COX10: variants seen among roughly 807,000 people sequenced by gnomAD.
COX10 encodes the protein cytochrome c oxidase assembly factor heme A:farnesyltransferase COX10.
Under a neutral mutation model 37.3 loss-of-function variants are expected in COX10, and 27 were observed. The observed-to-expected ratio is 0.72, with a 90% CI of 0.53 to 1.00. The LOEUF (loss-of-function observed/expected upper bound fraction) is 1.00. Among genes scored for constraint, COX10 ranks in the 50% least tolerant of loss-of-function variants. The probability of loss-of-function intolerance (pLI) is 0.00; values close to 1 mark genes in which losing one functional copy is unlikely to be tolerated. For synonymous variants in COX10, 222 were observed against 229.1 expected, an observed-to-expected ratio of 0.97 and a Z score of 0.28; for missense variants, 475 against 563.2, an observed-to-expected ratio of 0.84 and a Z score of 1.59.
chr17:14,071,610 G>A (rs1428970404), intron 1 of COX10, among the ~76,000 whole-genome samples: 7 of 151,800 alleles, frequency 4.6e-5, no homozygotes, highest in Middle Eastern at 3.4e-3. Context: ...CTGGCCGGGC[G>A]CAGTAGCTTA....
intron 4 of COX10, among the ~76,000 whole-genome samples, chr17:14,123,611 T>C (rs1916272102): frequency 6.6e-6 from 1 of 152,174 alleles, no homozygotes; most frequent in Non-Finnish European, 1.5e-5. Flanking sequence ...TGAAAGCCAT[T>C]AAATAGAGAA....
At chr17:14,196,325 C>G (rs1301985790) in intron 6 of COX10, among the ~76,000 whole-genome samples, 1 of 152,196 alleles carries the variant, frequency 6.6e-6, no homozygotes, top group African/African-American at 2.4e-5. Context: ...AGAGCTTTAG[C>G]AGGGTATCTT....
chr17:14,106,508 A>G (rs1046656743), intron 4 of COX10, among the ~76,000 whole-genome samples: 1 of 152,196 alleles, frequency 6.6e-6, no homozygotes, highest in Non-Finnish European at 1.5e-5. Context: ...GGTCATGTCA[A>G]GAGATTATGA....
chr17:14,188,963 C>A (rs895698364), intron 5 of COX10, among the ~76,000 whole-genome samples: 2 of 145,460 alleles, frequency 1.4e-5, no homozygotes, highest in African/African-American at 5.1e-5. Context: ...GATCTGTCCA[C>A]TTTTTCTTTG....
chr17:14,160,096 C>A, intron 5 of COX10, 149 bp downstream of exon 5: 1 of 739,618 alleles, frequency 1.4e-6, no homozygotes, highest in Non-Finnish European at 2.3e-6. Context: ...CAATACTTTC[C>A]ACCTCTAACC....
intron 5 of COX10, among the ~76,000 whole-genome samples, chr17:14,163,921 T>C (rs1905223480): frequency 6.6e-6 from 1 of 152,224 alleles, no homozygotes; most frequent in African/African-American, 2.4e-5. Flanking sequence ...CATCTGCACA[T>C]CATTTCCAAT....
intron 5 of COX10, chr17:14,182,208 C>T: frequency 1.2e-6 from 1 of 823,928 alleles, no homozygotes; most frequent in Non-Finnish European, 1.5e-6. Context: ...GTGGGAGAAT[C>T]ACTTGACACC....
intron 5 of COX10, among the ~76,000 whole-genome samples, chr17:14,180,458 G>C (rs890705952): frequency 2.0e-5 from 3 of 152,102 alleles, no homozygotes; most frequent in Non-Finnish European, 2.9e-5. Flanking sequence ...CATTACAATG[G>C]TTGAACAAGA....
At chr17:14,155,426 G>A (rs1015672204) in intron 4 of COX10, among the ~76,000 whole-genome samples, 7 of 151,916 alleles carry the variant, frequency 4.6e-5, no homozygotes, top group African/African-American at 1.7e-4. Context: ...TGAAAGATAG[G>A]AGAGTGAGGC....
chr17:14,153,140 G>T (rs1414283787), intron 4 of COX10, among the ~76,000 whole-genome samples: 1 of 152,158 alleles, frequency 6.6e-6, no homozygotes, highest in South Asian at 2.1e-4. Flanking sequence ...AGCCATCATG[G>T]TTCACCCTTG....
intron 5 of COX10, among the ~76,000 whole-genome samples, chr17:14,166,601 G>A (rs996089901): frequency 6.9e-6 from 1 of 145,832 alleles, no homozygotes; most frequent in Non-Finnish European, 1.5e-5. Flanking sequence ...GGATCAAAGA[G>A]TCAATTCGAC....
intron 4 of COX10, among the ~76,000 whole-genome samples, chr17:14,119,173 G>A (rs1916176232): frequency 6.6e-6 from 1 of 152,078 alleles, no homozygotes; most frequent in Non-Finnish European, 1.5e-5. Context: ...GGAATCTGTA[G>A]TATCTACAGA....
chr17:14,175,593 G>C (rs1373225316), intron 5 of COX10, among the ~76,000 whole-genome samples: 1 of 151,900 alleles, frequency 6.6e-6, no homozygotes, highest in East Asian at 1.9e-4. Flanking sequence ...TACACTCTGT[G>C]CTAAATGCTG....
In COX10 at chr17:14,174,480, G is replaced by A. The variant is rs115667321; in HGVS notation, c.695+14533G>A. ...TCAAAAAAAAAAAAAAAAAAAGTGC[G>A]TGAAAGATTTAAATAGGCCCTACTC... On this transcript the variant is annotated intron_variant, in intron 5 of 6. Transcript: ENST00000261643. 6.4e-3 allele frequency among the ~76,000 whole-genome samples: 962 copies of A among 149,500 alleles called. 10 individuals carry two copies. The highest frequency in any genetic ancestry group is 0.022 in the African/African-American group (908 of 40,740).
intron 6 of COX10, among the ~76,000 whole-genome samples, chr17:14,201,387 C>T (rs139167142): frequency 6.6e-6 from 1 of 152,280 alleles, no homozygotes; most frequent in East Asian, 1.9e-4. Flanking sequence ...TAAGGCTAGG[C>T]TGTGATTTCC....
chr17:14,083,814 G>A (rs1222861373), intron 3 of COX10, among the ~76,000 whole-genome samples: 1 of 152,158 alleles, frequency 6.6e-6, no homozygotes, highest in Non-Finnish European at 1.5e-5. Flanking sequence ...ACCACACTGG[G>A]GTAAAGAAAT....
intron 4 of COX10, among the ~76,000 whole-genome samples, chr17:14,121,889 A>G (rs1297521982): frequency 6.6e-6 from 1 of 152,132 alleles, no homozygotes; most frequent in Non-Finnish European, 1.5e-5. Flanking sequence ...AGTCGAAGAA[A>G]TAACCTGAGC....
chr17:14,148,903 A>T (rs2142231582), intron 4 of COX10, among the ~76,000 whole-genome samples: 1 of 148,612 alleles, frequency 6.7e-6, no homozygotes, highest in East Asian at 1.9e-4. Flanking sequence ...TATAATTAGA[A>T]TTAATATAAT....
chr17:14,128,973 G>A (rs986896917), intron 4 of COX10, among the ~76,000 whole-genome samples: 3 of 152,138 alleles, frequency 2.0e-5, no homozygotes, highest in African/African-American at 7.2e-5. Flanking sequence ...CAGCCCCCCA[G>A]TACCTGGTAT....
Sources: gnomAD v4.1 joint callset for allele counts (sites outside exome capture counted in the v4.1 genomes callset) on GRCh38, gnomAD v4.1.1 for gene constraint, MANE v1.5 for transcripts, NCBI Gene and HGNC (gene_info 2026-07-23, HGNC 2026-07-21) for gene names.